RBBP6: variants seen among roughly 807,000 people sequenced by gnomAD.
RBBP6 encodes the protein RB binding protein 6, ubiquitin ligase.
In RBBP6, 25 loss-of-function variants were observed where a neutral mutation model predicts 167.7. That is an observed-to-expected ratio of 0.15 (90% CI 0.11 to 0.21). RBBP6 has a LOEUF of 0.21. Ranked by LOEUF, RBBP6 falls within the 10% of genes least tolerant of loss-of-function variation. RBBP6 has a pLI of 1.00. For missense variants in RBBP6, 1,868 were observed against 2,134.2 expected, an observed-to-expected ratio of 0.88 and a Z score of 2.46; for synonymous variants, 789 against 735.8, an observed-to-expected ratio of 1.07 and a Z score of -1.17.
chr16:24,556,768 C>G (rs910952007), intron 7 of RBBP6, among the ~76,000 whole-genome samples: 1 of 152,242 alleles, frequency 6.6e-6, no homozygotes, highest in South Asian at 2.1e-4. Context: ...ATGCTACTTG[C>G]ATTTTTAAGT....
chr16:24,559,153 A>G (rs567293736), intron 7 of RBBP6, among the ~76,000 whole-genome samples: 8 of 152,218 alleles, frequency 5.3e-5, no homozygotes, highest in Admixed American at 3.3e-4. Flanking sequence ...AATTGTGATT[A>G]TGGTGTTGTC....
At chr16:24,547,090 A>C (rs1243405303) in intron 2 of RBBP6, among the ~76,000 whole-genome samples, 1 of 152,212 alleles carries the variant, frequency 6.6e-6, no homozygotes, top group Non-Finnish European at 1.5e-5. Context: ...AGTGATTTTC[A>C]CTTAGAATTA....
At chr16:24,557,835 G>A (rs375753078) in intron 7 of RBBP6, among the ~76,000 whole-genome samples, 4 of 152,148 alleles carry the variant, frequency 2.6e-5, no homozygotes, top group African/African-American at 9.7e-5. Flanking sequence ...AAATAGCTAT[G>A]CCATAGAATG....
In RBBP6 at chr16:24,569,447, G is replaced by C; in HGVS notation, c.2757G>C (p.Lys919Asn). The C allele has an allele frequency of 6.2e-7, 1 of 1,613,432 alleles. No homozygotes were observed. The highest frequency in any genetic ancestry group is 8.5e-7 in the Non-Finnish European group (1 of 1,179,894). The change falls in exon 17 of 18, where the codon AAG (lysine) becomes AAC (asparagine). Residue 919 changes from lysine to asparagine, a missense_variant. Lys to Asn is a moderately conservative substitution (Grantham distance 94). Transcript: ENST00000319715. ...NQKDNTKSKE[K>N]ESENAPGDGK... ...AGGATAATACAAAGTCAAAAGAGAA[G>C]GAGAGTGAAAACGCTCCAGGAGATG...
rs1207985550 is a variant in RBBP6, at chr16:24,539,916, A to T, written c.-711A>T. On this transcript the variant is annotated 5_prime_UTR_variant, in exon 1 of 18. Transcript: ENST00000319715. ...AGGCCTAGCGCCGGCTTTGTGTCCG[A>T]GGCGGCGGCGGCGGCGGGGGGAGGC... is the stretch of plus-strand genomic sequence containing the variant. The T allele has an allele frequency of 6.5e-6, 1 of 152,926 alleles. No individual in the cohort carries two copies. The highest frequency in any genetic ancestry group is 1.5e-5 in the Non-Finnish European group (1 of 68,086). 9.5% of individuals were successfully genotyped at this position (152,926 alleles called of 1,614,324 possible).
At chr16:24,560,472 C>T (rs1267023989) in intron 8 of RBBP6, among the ~76,000 whole-genome samples, 1 of 152,200 alleles carries the variant, frequency 6.6e-6, no homozygotes, top group African/African-American at 2.4e-5. Context: ...CTTATATTAG[C>T]ACTTAGTTGT....
rs1381620162 is a variant in RBBP6, at chr16:24,556,302, G to C, written c.535-6G>C. On this transcript the variant is annotated splice_region_variant and splice_polypyrimidine_tract_variant and intron_variant, in intron 6 of 17. Transcript: ENST00000319715. The stretch of plus-strand genomic sequence containing the variant: ...TCCTCCTCCTCTTCCTTTTTCCTCT[G>C]AATAGGATAAAAACTTTGAATCTGG... 1 of 1,567,044 alleles carries C rather than the reference G, an allele frequency of 6.4e-7. No individual in the cohort carries two copies. The highest frequency in any genetic ancestry group is 1.1e-5 in the South Asian group (1 of 89,664).
intron 3 of RBBP6, chr16:24,549,271 A>G (rs1373015234): frequency 1.6e-6 from 2 of 1,232,108 alleles, no homozygotes; most frequent in African/African-American, 3.1e-5. Context: ...TCCTTTTTAG[A>G]TCGTTTAGGT....
intron 2 of RBBP6, among the ~76,000 whole-genome samples, chr16:24,548,033 GT>G (rs138805241): frequency 0.27 from 41,067 of 149,356 alleles, 5,631 homozygotes; most frequent in Admixed American, 0.34. Context: ...TCAAAGCTCA[GT>G]TTTTTTTTTA....
chr16:24,550,422 G>C (rs73560566), intron 3 of RBBP6, among the ~76,000 whole-genome samples: 178 of 138,270 alleles, frequency 1.3e-3, no homozygotes, highest in African/African-American at 4.7e-3. Flanking sequence ...CTTATGTTTT[G>C]CTGGTGATTG....
chr16:24,557,624 T>G (rs950712343), intron 7 of RBBP6, among the ~76,000 whole-genome samples: 1 of 152,044 alleles, frequency 6.6e-6, no homozygotes, highest in Non-Finnish European at 1.5e-5. Context: ...TTAGAAGTTA[T>G]GTGATAAGAC....
Position 24,559,493 on chromosome 16 carries a change from T to C in RBBP6, c.675-12T>C, listed in dbSNP as rs758492115. The C allele has an allele frequency of 1.9e-6, 3 of 1,583,516 alleles. No individual in the cohort carries two copies. Among genetic ancestry groups the C allele is most frequent in the Non-Finnish European group, 2.6e-6 (3 of 1,166,114 alleles). On this transcript the variant is annotated splice_polypyrimidine_tract_variant and intron_variant, in intron 7 of 17. Transcript: ENST00000319715. ...CTTAACAATGGTAAAACATGAAAAC[T>C]TTCTTTTACAGAGAAGCATATGCAA...
In RBBP6 at chr16:24,572,466, G is replaced by T; in HGVS notation, c.*21G>T. 1 of 1,506,512 alleles carries T rather than the reference G, an allele frequency of 6.6e-7. No individual in the cohort carries two copies. The highest frequency in any genetic ancestry group is 8.8e-7 in the Non-Finnish European group (1 of 1,133,886). 93.3% of individuals were successfully genotyped at this position (1,506,512 alleles called of 1,614,324 possible). ...TGTAAAAAGACAGATTTTTTAAATT[G>T]ACTTAATTACTAAGTCATCTGTATT... On this transcript the variant is annotated 3_prime_UTR_variant, in exon 18 of 18. Transcript: ENST00000319715.
rs536085833 is a variant in RBBP6 at position 24,545,834 on chromosome 16, C to A, written c.167-329C>A. Among the ~76,000 whole-genome samples the A allele has an allele frequency of 6.6e-5, 10 of 152,316 alleles. No individual in the cohort carries two copies. The South Asian group carries it at 2.1e-3, about 32-fold the overall frequency. ...TTAGGGACTAGGAGAGACAGAATATCTTCATTCCGAATAACGGCTTTTTCA... is the reference window on the plus strand; with the variant it reads ...TTAGGGACTAGGAGAGACAGAATATATTCATTCCGAATAACGGCTTTTTCA... On this transcript the variant is annotated intron_variant, in intron 1 of 17. Transcript: ENST00000319715.
At position 24,539,635 on chromosome 16, in the gene RBBP6, T is replaced by C. The variant is rs1255360954; in HGVS notation, c.-992T>C. ...CCTGGCTTGGAGGTGTCGCCGCCGC[T>C]CGGTGAGAGCCCCCGAGCGGCAGGG... On this transcript the variant is annotated 5_prime_UTR_variant, in exon 1 of 18. Coordinates refer to ENST00000319715, the MANE Select transcript of RBBP6 (RefSeq NM_006910.5). 6 of 151,850 alleles carry C rather than the reference T, an allele frequency of 4.0e-5. No individual in the cohort carries two copies. The highest frequency in any genetic ancestry group is 1.3e-4 in the Admixed American group (2 of 15,254). The allele number at this position is 151,850 out of a possible 1,614,324, so 9.4% of individuals were successfully genotyped here.
chr16:24,572,041 G>A lies in RBBP6; in HGVS notation c.4975G>A (p.Gly1659Arg). Reference sequence around the variant, plus strand: ...TTCTGTAAAAGAAGAGGAATCTTCAGGAAACATTTCTAAGGACCTGAAAGA... The same window carrying A: ...TTCTGTAAAAGAAGAGGAATCTTCAAGAAACATTTCTAAGGACCTGAAAGA... ...NVSVKEEESS[G>R]NISKDLKDKI... is the part of the protein sequence containing the mutation. Residue 1659 changes from glycine (G) to arginine (R), a missense_variant, in exon 18 of 18, where the codon GGA becomes AGA. This residue lies in a region of RBBP6 where 591 missense variants were observed against 540.5 expected (regional missense o/e 1.09). Coordinates refer to ENST00000319715, the MANE Select transcript of RBBP6 (RefSeq NM_006910.5). The A allele has an allele frequency of 6.2e-7, 1 of 1,614,116 alleles. No individual in the cohort carries two copies. The highest frequency in any genetic ancestry group is 8.5e-7 in the Non-Finnish European group (1 of 1,179,976).
At chr16:24,559,172 A>C (rs1898988994) in intron 7 of RBBP6, among the ~76,000 whole-genome samples, 1 of 152,136 alleles carries the variant, frequency 6.6e-6, no homozygotes, top group Non-Finnish European at 1.5e-5. Flanking sequence ...TCTAAATTCA[A>C]GTCTTGTCTT....
chr16:24,540,226 G>A lies in RBBP6; in HGVS notation c.-401G>A. 6.3e-6 allele frequency: 1 copy of A among 157,730 alleles called. No homozygotes were observed. Among genetic ancestry groups the A allele is most frequent in the Non-Finnish European group, 1.4e-5 (1 of 71,376 alleles). 9.8% of individuals were successfully genotyped at this position (157,730 alleles called of 1,614,324 possible). On this transcript the variant is annotated 5_prime_UTR_variant, in exon 1 of 18. Coordinates refer to ENST00000319715, the MANE Select transcript of RBBP6 (RefSeq NM_006910.5). The stretch of plus-strand genomic sequence containing the variant: ...GAGACCCGCCGGGAGGTGCGGCCGC[G>A]CTATGGACCCCTGACCCCGTGGGGT...
In RBBP6 at chr16:24,572,774, A is replaced by T; in HGVS notation, c.*329A>T. 4.8e-6 allele frequency: 1 copy of T among 208,612 alleles called. No homozygotes were observed. The highest frequency in any genetic ancestry group is 9.6e-6 in the Non-Finnish European group (1 of 104,140). 12.9% of individuals were successfully genotyped at this position (208,612 alleles called of 1,614,324 possible). On this transcript the variant is annotated 3_prime_UTR_variant, in exon 18 of 18. Transcript: ENST00000319715. ...CCTGGCAAAAGCTGATATAAGTTCT[A>T]AAATATCAGCAGAATGATTTGCTGA...
Sources: allele counts gnomAD v4.1 joint callset (sites outside exome capture counted in the v4.1 genomes callset), GRCh38; gene constraint gnomAD v4.1.1; regional missense constraint gnomAD v4.1.1; transcripts MANE v1.5; gene names NCBI Gene and HGNC (gene_info 2026-07-23, HGNC 2026-07-21).